The following KLHL7 variants were observed in gnomAD, a reference collection of about 807,000 sequenced individuals.
KLHL7 encodes kelch like family member 7.
KLHL7 carries 44 observed loss-of-function variants against 67.4 expected under a neutral mutation model. The observed-to-expected ratio is 0.65, with a 90% confidence interval of 0.51 to 0.84. The LOEUF (loss-of-function observed/expected upper bound fraction) is 0.84. KLHL7 is among the 40% of genes least tolerant of loss of function. The pLI is 0.00. For synonymous variants in KLHL7, 252 were observed against 243.3 expected (o/e 1.04, Z -0.33); for missense variants, 362 against 718.1 (o/e 0.50, Z 5.67).
At chr7:23,134,656 G>A (rs1783914311) in intron 4 of KLHL7, among the ~76,000 whole-genome samples, 1 of 152,082 alleles carries the variant, frequency 6.6e-6, no homozygotes, top group African/African-American at 2.4e-5. Flanking sequence ...GTTCACATTT[G>A]TATTACTTCC....
chr7:23,159,965 C>G (rs993515219), intron 7 of KLHL7, among the ~76,000 whole-genome samples: 1 of 152,164 alleles, frequency 6.6e-6, no homozygotes, highest in African/African-American at 2.4e-5. Flanking sequence ...TTCTCCCTGT[C>G]ACCCTTGGGT....
chr7:23,138,234 C>A (rs1056448537), intron 4 of KLHL7, among the ~76,000 whole-genome samples: 9 of 150,838 alleles, frequency 6.0e-5, no homozygotes, highest in African/African-American at 2.2e-4. Context: ...AAGGCCAAGG[C>A]GGGTGGATCA....
intron 4 of KLHL7, among the ~76,000 whole-genome samples, chr7:23,132,477 T>TTAAA (rs1351396494): frequency 6.6e-6 from 1 of 152,214 alleles, no homozygotes; most frequent in Non-Finnish European, 1.5e-5. Context: ...TCAAATCTTT[T>TTAAA]GCCCATTTTT....
At chr7:23,150,529 C>T (rs1011120520) in intron 6 of KLHL7, among the ~76,000 whole-genome samples, 1 of 152,098 alleles carries the variant, frequency 6.6e-6, no homozygotes, top group Non-Finnish European at 1.5e-5. Flanking sequence ...ACATACTAAT[C>T]TTTCTCATCT....
At chr7:23,118,955 C>T (rs1419300929) in intron 1 of KLHL7, among the ~76,000 whole-genome samples, 2 of 152,006 alleles carry the variant, frequency 1.3e-5, no homozygotes, top group Non-Finnish European at 2.9e-5. Context: ...GCCTGTGGTC[C>T]CAGCTACTTG....
chr7:23,149,816 C>T (rs993499204), intron 6 of KLHL7, among the ~76,000 whole-genome samples: 5 of 152,180 alleles, frequency 3.3e-5, no homozygotes, highest in African/African-American at 1.2e-4. Context: ...CATGCCTTGG[C>T]CTCTGAAATA....
chr7:23,125,214 A>G, intron 4 of KLHL7, 42 bp downstream of exon 4: 1 of 1,595,250 alleles, frequency 6.3e-7, no homozygotes, highest in Non-Finnish European at 8.6e-7. Flanking sequence ...ATTTTGTTTT[A>G]TCCTTTATTT....
intron 4 of KLHL7, among the ~76,000 whole-genome samples, chr7:23,137,486 T>G (rs73272100): frequency 0.023 from 2,422 of 106,972 alleles, 84 homozygotes; most frequent in African/African-American, 0.14. Flanking sequence ...AAAACTGTCT[T>G]TTTTTTTTTT....
chr7:23,113,089 C>T (rs953366283), intron 1 of KLHL7, among the ~76,000 whole-genome samples: 7 of 150,984 alleles, frequency 4.6e-5, no homozygotes, highest in Non-Finnish European at 7.4e-5. Flanking sequence ...TGTTTGGAAT[C>T]AGAAGAATGA....
chr7:23,138,937 C>A (rs910860388), intron 4 of KLHL7, among the ~76,000 whole-genome samples: 7 of 152,042 alleles, frequency 4.6e-5, no homozygotes, highest in Non-Finnish European at 1.0e-4. Context: ...TTCTAAATCT[C>A]TAGAAAGGGT....
intron 7 of KLHL7, among the ~76,000 whole-genome samples, chr7:23,154,017 TA>T (rs1329303325): frequency 1.3e-5 from 2 of 152,198 alleles, no homozygotes; most frequent in Non-Finnish European, 2.9e-5. Flanking sequence ...AAAGCAGCCA[TA>T]AACAATACAT....
intron 6 of KLHL7, among the ~76,000 whole-genome samples, chr7:23,146,274 C>T (rs1784353096): frequency 6.6e-6 from 1 of 152,190 alleles, no homozygotes; most frequent in Non-Finnish European, 1.5e-5. Flanking sequence ...AATTATGAGC[C>T]TTTTCAGGGC....
In KLHL7 at chr7:23,174,082, A is replaced by G. The variant is rs1233869865; in HGVS notation, c.1545A>G (p.Pro515=). 2.5e-6 allele frequency: 4 copies of G among 1,614,036 alleles called. No homozygotes were observed. Among genetic ancestry groups the G allele is most frequent in the Non-Finnish European group, 3.4e-6 (4 of 1,179,980 alleles). ...LNEWKMVSPM[P]WKGVTVKCAA... ...AATGGAAGATGGTCTCACCAATGCC[A>G]TGGAAGGGTGTAACAGTGAAATGTG... Residue 515 remains proline (P), a synonymous_variant, in exon 11 of 11, where the codon CCA becomes CCG. Transcript: ENST00000339077.
intron 6 of KLHL7, among the ~76,000 whole-genome samples, chr7:23,145,655 A>G (rs796612144): frequency 2.6e-5 from 4 of 152,354 alleles, no homozygotes; most frequent in Admixed American, 6.5e-5. Flanking sequence ...TCAGGGAACT[A>G]TAAGCTGGGT....
At chr7:23,106,448 C>G in intron 1 of KLHL7, 1 of 1,235,050 alleles carries the variant, frequency 8.1e-7, no homozygotes, top group Non-Finnish European at 1.0e-6. Context: ...CTAGTTATCT[C>G]TTTGTGGGGC....
chr7:23,125,897 A>G, intron 4 of KLHL7: 1 of 1,528,352 alleles, frequency 6.5e-7, no homozygotes. Flanking sequence ...ACGTTCCAAG[A>G]CCCCCAGTGA....
intron 1 of KLHL7, among the ~76,000 whole-genome samples, chr7:23,114,725 C>G (rs948740216): frequency 3.0e-4 from 46 of 152,206 alleles, no homozygotes; most frequent in African/African-American, 1.1e-3. Flanking sequence ...CCCAAGAAAG[C>G]TTTGAAATGG....
chr7:23,146,667 T>TTCTTC lies in KLHL7; in HGVS notation c.793+2643_793+2644insCTTCT, dbSNP rs61573730. On this transcript the variant is annotated intron_variant, in intron 6 of 10. Transcript: ENST00000339077. Reference sequence around the variant, plus strand: ...GTTCTTCTTCTTCTTCTTCTTCTTCTTTTTTTTTTAATTTTAAGGCTATAT... The same window carrying TTCTTC: ...GTTCTTCTTCTTCTTCTTCTTCTTCTTCTTCTTTTTTTTTAATTTTAAGGCTATAT... 2.9e-3 allele frequency among the ~76,000 whole-genome samples: 206 copies of TTCTTC among 71,622 alleles called. 1 individual carries two copies. The highest frequency in any genetic ancestry group is 8.6e-3 in the African/African-American group (188 of 21,798). The allele number at this position is 71,622 out of a possible 152,430, so 47.0% of individuals were successfully genotyped here.
chr7:23,158,105 T>C (rs756707278), intron 7 of KLHL7, among the ~76,000 whole-genome samples: 4 of 152,088 alleles, frequency 2.6e-5, no homozygotes, highest in Non-Finnish European at 5.9e-5. Context: ...GTTGGGACTT[T>C]GGGCACTTGC....
Sources: gnomAD v4.1 joint callset for allele counts (sites outside exome capture counted in the v4.1 genomes callset) on GRCh38, gnomAD v4.1.1 for gene constraint, MANE v1.5 for transcripts, NCBI Gene and HGNC (gene_info 2026-07-23, HGNC 2026-07-21) for gene names.